The following MRPL43 variants were observed in gnomAD, a reference collection of about 807,000 sequenced individuals.
The protein encoded by MRPL43 is large ribosomal subunit protein mL43.
MRPL43 carries 9 observed loss-of-function variants against 12.7 expected under a neutral mutation model. That is an observed-to-expected ratio of 0.71 (90% CI 0.43 to 1.24). The LOEUF is 1.24. Ranked by LOEUF, MRPL43 falls within the 50% of genes most tolerant of loss-of-function variation. The pLI is 0.00. For missense variants in MRPL43, 211 were observed against 229.2 expected (o/e 0.92, Z 0.51); for synonymous variants, 116 against 96.4 (o/e 1.20, Z -1.19).
At chr10:100,983,562 G>T, downstream of MRPL43, 1 of 1,613,796 alleles carries the variant, frequency 6.2e-7, no homozygotes, top group Non-Finnish European at 8.5e-7. Context: ...TAGTCTCACA[G>T]TCCGGCCAGC....
At chr10:100,987,238 G>T (rs1851559793) in intron 1 of MRPL43, 42 bp from the exon 2 acceptor site, 6 of 1,612,990 alleles carry the variant, frequency 3.7e-6, no homozygotes, top group Non-Finnish European at 5.1e-6. Flanking sequence ...CCCTGACTGG[G>T]GGCGACCTAC....
chr10:100,979,570 A>G (rs1310989427), downstream of MRPL43, among the ~76,000 whole-genome samples: 1 of 151,882 alleles, frequency 6.6e-6, no homozygotes, highest in Non-Finnish European at 1.5e-5. Flanking sequence ...TTTAATAGAG[A>G]TGGGGTTTCA....
At chr10:100,982,260 A>G (rs1293330283), downstream of MRPL43, among the ~76,000 whole-genome samples, 1 of 152,040 alleles carries the variant, frequency 6.6e-6, no homozygotes, top group Non-Finnish European at 1.5e-5. Context: ...TGACAGGAGA[A>G]TAGGCTGGAC....
chr10:100,985,074 TCA>T, downstream of MRPL43: 1 of 638,694 alleles, frequency 1.6e-6, no homozygotes, highest in Non-Finnish European at 2.5e-6. Context: ...TTAACTGTCC[TCA>T]CAGGCCCTTG....
At chr10:100,980,196 A>G (rs971229127), downstream of MRPL43, 3 of 1,614,120 alleles carry the variant, frequency 1.9e-6, no homozygotes, top group Admixed American at 1.7e-5. Context: ...TGGACTTTGT[A>G]AAGTTGCACC....
downstream of MRPL43, chr10:100,981,488 G>C (rs776167522): frequency 3.1e-6 from 5 of 1,614,074 alleles, no homozygotes; most frequent in Non-Finnish European, 3.4e-6. Flanking sequence ...GGATGACAAG[G>C]GTTCAGGACG....
At chr10:100,985,763 C>T (rs920392505), downstream of MRPL43, 6 of 152,462 alleles carry the variant, frequency 3.9e-5, no homozygotes, top group African/African-American at 1.4e-4. Context: ...GGATCCTCCG[C>T]TTCCATCCTG....
downstream of MRPL43, chr10:100,980,547 G>A (rs763226911): frequency 6.4e-7 from 1 of 1,573,226 alleles, no homozygotes; most frequent in East Asian, 2.2e-5. Flanking sequence ...TCCCATAGTT[G>A]GGGTCTAACT....
downstream of MRPL43, chr10:100,979,131 G>A (rs750733650): frequency 3.1e-6 from 5 of 1,614,074 alleles, no homozygotes; most frequent in Admixed American, 3.3e-5. Flanking sequence ...AGATCCTGCA[G>A]AAGAAGTGGA....
chr10:100,983,700 C>T, downstream of MRPL43: 2 of 1,613,604 alleles, frequency 1.2e-6, no homozygotes, highest in East Asian at 4.5e-5. Flanking sequence ...CTCCTCCCTC[C>T]TCTATGTGGC....
At chr10:100,978,987 ACCGTGTGGC>A (rs746431273), downstream of MRPL43, 13 of 1,614,056 alleles carry the variant, frequency 8.1e-6, no homozygotes, top group Non-Finnish European at 1.0e-5. Context: ...CGCAGCAGTC[ACCGTGTGGC>A]CCGTGTGGCT....
At chr10:100,981,121 C>G, downstream of MRPL43, 4 of 1,612,102 alleles carry the variant, frequency 2.5e-6, no homozygotes, top group Non-Finnish European at 3.4e-6. Flanking sequence ...CACTGGGAAA[C>G]TGAAACCCAG....
downstream of MRPL43, chr10:100,979,975 G>A (rs965691185): frequency 1.2e-6 from 2 of 1,613,992 alleles, no homozygotes; most frequent in Non-Finnish European, 1.7e-6. Context: ...TGGGGTGCCT[G>A]AGCCCCGGCC....
At chr10:100,982,451 G>A (rs1393654451), downstream of MRPL43, among the ~76,000 whole-genome samples, 1 of 152,212 alleles carries the variant, frequency 6.6e-6, no homozygotes, top group African/African-American at 2.4e-5. Flanking sequence ...GAAATCAACA[G>A]GTCTAAGATA....
downstream of MRPL43, chr10:100,979,318 G>A (rs2133879089): frequency 1.2e-6 from 2 of 1,614,140 alleles, no homozygotes; most frequent in Non-Finnish European, 1.7e-6. Context: ...GACAGCATAG[G>A]GGCTGGAGCA....
At chr10:100,987,008 T>A in intron 2 of MRPL43, 33 bp from the exon 3 acceptor site, 1 of 1,605,172 alleles carries the variant, frequency 6.2e-7, no homozygotes, top group Non-Finnish European at 8.5e-7. Context: ...GGGTGGAAGC[T>A]GGCCGGTGCG....
At chr10:100,983,886 C>T, downstream of MRPL43, 2 of 1,548,338 alleles carry the variant, frequency 1.3e-6, no homozygotes, top group East Asian at 2.4e-5. Flanking sequence ...CCAGATCATC[C>T]CTGGGGAGGG....
downstream of MRPL43, chr10:100,980,347 GCTTCTGATCC>G: frequency 6.2e-7 from 1 of 1,612,598 alleles, no homozygotes; most frequent in Non-Finnish European, 8.5e-7. Context: ...GGGCACAGGT[GCTTCTGATCC>G]CAATCCCTGA....
chr10:100,983,677 G>A (rs1380369416), downstream of MRPL43: 1 of 1,613,218 alleles, frequency 6.2e-7, no homozygotes, highest in Non-Finnish European at 8.5e-7. Flanking sequence ...GGTGGCCTCT[G>A]CCTCATCCTG....
Sources: allele counts gnomAD v4.1 joint callset (sites outside exome capture counted in the v4.1 genomes callset), GRCh38; gene constraint gnomAD v4.1.1; transcripts MANE v1.5; gene names NCBI Gene and HGNC (gene_info 2026-07-23, HGNC 2026-07-21).